Variants in SKAP1 observed in about 807,000 individuals in gnomAD.
The protein encoded by SKAP1 is src kinase associated phosphoprotein 1, also known as src kinase-associated phosphoprotein 1.
Under a neutral mutation model 58.5 loss-of-function variants are expected in SKAP1, and 44 were observed. That is an observed-to-expected ratio of 0.75 (90% CI 0.59 to 0.97). The LOEUF (loss-of-function observed/expected upper bound fraction) is 0.97. Ranked by LOEUF, SKAP1 falls within the 50% of genes least tolerant of loss-of-function variation. SKAP1 has a pLI of 0.00. For missense variants in SKAP1, 390 were observed against 435.2 expected (o/e 0.90, Z 0.92); for synonymous variants, 127 against 149.7 (o/e 0.85, Z 1.11).
At chr17:48,235,016 G>C (rs939418313) in intron 4 of SKAP1, among the ~76,000 whole-genome samples, 4 of 152,308 alleles carry the variant, frequency 2.6e-5, no homozygotes, top group South Asian at 2.1e-4. Context: ...TATCGAACTA[G>C]TTCCTAGCAT....
intron 9 of SKAP1, among the ~76,000 whole-genome samples, chr17:48,176,670 T>G (rs1567806814): frequency 6.6e-6 from 1 of 152,342 alleles, no homozygotes; most frequent in East Asian, 1.9e-4. Flanking sequence ...GTGGCCTGGC[T>G]GAAAACCTTG....
intron 3 of SKAP1, 140 bp downstream of exon 3, chr17:48,363,649 G>T: frequency 1.5e-6 from 1 of 656,580 alleles, no homozygotes; most frequent in Non-Finnish European, 2.6e-6. Context: ...GCAGGGTGAA[G>T]GTTAATTAAA....
At chr17:48,183,891 G>A (rs908376381) in intron 7 of SKAP1, among the ~76,000 whole-genome samples, 2 of 152,088 alleles carry the variant, frequency 1.3e-5, no homozygotes, top group South Asian at 2.1e-4. Flanking sequence ...TACTTAAGTG[G>A]TTAATTTACT....
chr17:48,397,753 A>G (rs2067439774), intron 1 of SKAP1, among the ~76,000 whole-genome samples: 1 of 152,226 alleles, frequency 6.6e-6, no homozygotes, highest in Non-Finnish European at 1.5e-5. Flanking sequence ...TGAGAAAGAC[A>G]AATGTCTCCA....
intron 10 of SKAP1, among the ~76,000 whole-genome samples, chr17:48,167,695 G>A (rs116803713): frequency 1.8e-4 from 27 of 152,248 alleles, no homozygotes; most frequent in African/African-American, 6.3e-4. Context: ...AGGAGGTACG[G>A]GTGGGAGGGG....
At chr17:48,200,401 A>C (rs2064713086) in intron 4 of SKAP1, among the ~76,000 whole-genome samples, 1 of 150,108 alleles carries the variant, frequency 6.7e-6, no homozygotes, top group Non-Finnish European at 1.5e-5. Flanking sequence ...TTTGAGTTGG[A>C]GTTTCACTCT....
intron 4 of SKAP1, among the ~76,000 whole-genome samples, chr17:48,229,626 T>A (rs539137483): frequency 2.0e-5 from 3 of 151,890 alleles, no homozygotes; most frequent in East Asian, 3.9e-4. Context: ...GTCTCAAAAA[T>A]AAATAAATAA....
chr17:48,342,760 T>C (rs999393356), intron 4 of SKAP1, among the ~76,000 whole-genome samples: 1 of 152,032 alleles, frequency 6.6e-6, no homozygotes, highest in East Asian at 1.9e-4. Flanking sequence ...CCAAGGCGGG[T>C]GGATCACGAA....
intron 4 of SKAP1, among the ~76,000 whole-genome samples, chr17:48,247,819 T>C (rs1345501226): frequency 1.3e-5 from 2 of 152,210 alleles, no homozygotes; most frequent in African/African-American, 4.8e-5. Context: ...TCTCTCTTCA[T>C]GAATTTCCTG....
chr17:48,352,226 C>T (rs2066811863), intron 3 of SKAP1, among the ~76,000 whole-genome samples: 1 of 151,992 alleles, frequency 6.6e-6, no homozygotes, highest in African/African-American at 2.4e-5. Context: ...CAAATATAAA[C>T]CAGATAATTG....
chr17:48,210,058 GGGA>G (rs979281694), intron 4 of SKAP1, among the ~76,000 whole-genome samples: 2 of 152,192 alleles, frequency 1.3e-5, no homozygotes, highest in Non-Finnish European at 2.9e-5. Context: ...AGAAATCACT[GGGA>G]GGAGGAGGCA....
chr17:48,315,107 C>G (rs370411782), intron 4 of SKAP1, among the ~76,000 whole-genome samples: 1 of 152,168 alleles, frequency 6.6e-6, no homozygotes, highest in African/African-American at 2.4e-5. Flanking sequence ...GGATGGATAG[C>G]AAAATATAAC....
intron 2 of SKAP1, among the ~76,000 whole-genome samples, chr17:48,383,714 C>CTTTT: frequency 9.0e-6 from 1 of 111,678 alleles, no homozygotes. Context: ...AATCTCTGCC[C>CTTTT]TTTTTTTTTT....
intron 4 of SKAP1, among the ~76,000 whole-genome samples, chr17:48,274,069 G>A (rs538026400): frequency 1.6e-4 from 24 of 152,170 alleles, no homozygotes; most frequent in African/African-American, 5.3e-4. Flanking sequence ...GTCAATAGGC[G>A]TACACCACCA....
chr17:48,222,946 C>T (rs193234117), intron 4 of SKAP1, among the ~76,000 whole-genome samples: 203 of 150,486 alleles, frequency 1.3e-3, no homozygotes, highest in African/African-American at 4.6e-3. Context: ...TGCCTGTAAT[C>T]CCAGCTACTC....
At chr17:48,165,628 G>A (rs1008214263) in intron 10 of SKAP1, among the ~76,000 whole-genome samples, 7 of 151,962 alleles carry the variant, frequency 4.6e-5, no homozygotes, top group African/African-American at 1.5e-4. Flanking sequence ...TTGAACTCCC[G>A]ACCTCAGGTG....
intron 9 of SKAP1, among the ~76,000 whole-genome samples, chr17:48,177,085 G>A (rs1480513614): frequency 6.6e-6 from 1 of 152,196 alleles, no homozygotes. Flanking sequence ...CAATGTTACT[G>A]TAGGCTGTCC....
At chr17:48,297,987 G>C (rs1403220880) in intron 4 of SKAP1, among the ~76,000 whole-genome samples, 1 of 152,150 alleles carries the variant, frequency 6.6e-6, no homozygotes, top group Non-Finnish European at 1.5e-5. Context: ...TTTTCAGAAA[G>C]ATCTCTTCTG....
intron 4 of SKAP1, among the ~76,000 whole-genome samples, chr17:48,330,348 A>T (rs2144262454): frequency 6.6e-6 from 1 of 152,332 alleles, no homozygotes; most frequent in Non-Finnish European, 1.5e-5. Context: ...TTATAAAGAC[A>T]TTTATGGAGT....
Sources: gnomAD v4.1 joint callset for allele counts (sites outside exome capture counted in the v4.1 genomes callset) on GRCh38, gnomAD v4.1.1 for gene constraint, MANE v1.5 for transcripts, NCBI Gene and HGNC (gene_info 2026-07-23, HGNC 2026-07-21) for gene names.